ITSN1: variants seen among roughly 807,000 people sequenced by gnomAD.
ITSN1 encodes the protein intersectin 1, also known as intersectin-1.
A neutral mutation model predicts 239.8 loss-of-function variants in ITSN1; 58 were observed. The ratio of observed to expected loss-of-function variants is 0.24; its 90% CI spans 0.20 to 0.30. ITSN1 has a LOEUF of 0.30. Among genes scored for constraint, ITSN1 ranks in the 10% least tolerant of loss-of-function variants. ITSN1 has a pLI of 1.00. For synonymous variants in ITSN1, 780 were observed against 770.8 expected, an observed-to-expected ratio of 1.01 and a Z score of -0.20; for missense variants, 1,558 against 2,103.3, an observed-to-expected ratio of 0.74 and a Z score of 5.07.
At chr21:33,774,586 T>A in intron 12 of ITSN1, 143 bp from the exon 13 acceptor site, 1 of 687,646 alleles carries the variant, frequency 1.5e-6, no homozygotes, top group East Asian at 2.7e-5. Flanking sequence ...TTTTATGTAA[T>A]TTTTTGTTTT....
intron 4 of ITSN1, among the ~76,000 whole-genome samples, chr21:33,732,146 G>A (rs1437108420): frequency 6.6e-6 from 1 of 152,222 alleles, no homozygotes; most frequent in Non-Finnish European, 1.5e-5. Flanking sequence ...GTTATCATAA[G>A]TGGTTTTGGA....
At chr21:33,803,511 A>C (rs1488517994) in intron 20 of ITSN1, among the ~76,000 whole-genome samples, 1 of 152,168 alleles carries the variant, frequency 6.6e-6, no homozygotes, top group Non-Finnish European at 1.5e-5. Context: ...TCACATATAC[A>C]CATAAGATTT....
intron 1 of ITSN1, among the ~76,000 whole-genome samples, chr21:33,688,848 C>G (rs1185158272): frequency 6.6e-6 from 1 of 151,560 alleles, no homozygotes; most frequent in African/African-American, 2.4e-5. Context: ...CTCCTGTCAC[C>G]CAGGCTGGAG....
At chr21:33,866,008 A>G (rs1374477175) in intron 32 of ITSN1, among the ~76,000 whole-genome samples, 1 of 152,226 alleles carries the variant, frequency 6.6e-6, no homozygotes, top group African/African-American at 2.4e-5. Flanking sequence ...GGAGAAAAAA[A>G]GGAGGAAGAG....
intron 1 of ITSN1, among the ~76,000 whole-genome samples, chr21:33,664,783 A>G (rs2089814848): frequency 6.6e-6 from 1 of 152,244 alleles, no homozygotes; most frequent in African/African-American, 2.4e-5. Flanking sequence ...CCTGGAATTT[A>G]TAATTTAAGA....
intron 1 of ITSN1, among the ~76,000 whole-genome samples, chr21:33,655,834 C>G (rs367783031): frequency 9.2e-5 from 14 of 151,832 alleles, no homozygotes; most frequent in African/African-American, 3.4e-4. Flanking sequence ...CTTTCTGTGT[C>G]GTGGTGATGT....
At chr21:33,806,242 G>A (rs888243033) in intron 20 of ITSN1, among the ~76,000 whole-genome samples, 1 of 151,932 alleles carries the variant, frequency 6.6e-6, no homozygotes, top group African/African-American at 2.4e-5. Context: ...CCTCATCTAG[G>A]AATTTGGGGA....
At chr21:33,868,505 C>T (rs1232931359) in intron 33 of ITSN1, among the ~76,000 whole-genome samples, 7 of 152,218 alleles carry the variant, frequency 4.6e-5, no homozygotes, top group Non-Finnish European at 7.4e-5. Context: ...AGCGCAGCGC[C>T]GGTGGGCTGG....
In ITSN1 at chr21:33,869,384, ACT is replaced by A. The variant is rs1982314861; in HGVS notation, c.4173+2057_4173+2058del. 2.0e-5 allele frequency among the ~76,000 whole-genome samples: 3 copies of A among 152,250 alleles called. No homozygotes were observed. In the South Asian group the frequency reaches 6.2e-4, roughly 32 times the overall value. ...CATCAGATATTGTGAGAACTCACTC[ACT>A]CTCACTAGAACAGGATGGGGGAAGC... is the stretch of plus-strand genomic sequence containing the variant. On this transcript the variant is annotated intron_variant, in intron 33 of 39. Coordinates refer to ENST00000381318, the MANE Select transcript of ITSN1 (RefSeq NM_003024.3).
intron 27 of ITSN1, among the ~76,000 whole-genome samples, chr21:33,832,072 GC>G (rs1321356638): frequency 2.0e-5 from 3 of 152,128 alleles, no homozygotes; most frequent in Non-Finnish European, 4.4e-5. Context: ...TTCCTGCGGG[GC>G]CCCTCTCCCC....
chr21:33,730,588 G>C (rs2066118669), intron 4 of ITSN1, among the ~76,000 whole-genome samples: 1 of 151,550 alleles, frequency 6.6e-6, no homozygotes, highest in African/African-American at 2.4e-5. Context: ...TTTTAGTAGA[G>C]ATGGGGTTTC....
At chr21:33,692,099 GAGTT>G (rs1280848425) in intron 1 of ITSN1, among the ~76,000 whole-genome samples, 6 of 152,306 alleles carry the variant, frequency 3.9e-5, no homozygotes, top group East Asian at 3.9e-4. Flanking sequence ...TTGTAAAACT[GAGTT>G]AGGTAGGCTG....
rs2089692462 is a variant in ITSN1 at position 33,663,274 on chromosome 21, T to TA, written c.-33+20562dup. Among the ~76,000 whole-genome samples the TA allele has an allele frequency of 2.0e-5, 3 of 152,384 alleles. No homozygotes were observed. In the South Asian group the frequency reaches 6.2e-4, roughly 32 times the overall value. On this transcript the variant is annotated intron_variant, in intron 1 of 39. Transcript: ENST00000381318. ...AGCATTATATTCATACTGGTTTTAT[T>TA]ATGAGATATATTACCTTTTAGATTT... is the stretch of plus-strand genomic sequence containing the variant.
rs1227254871 is a variant in ITSN1, at chr21:33,877,833, G to A, written c.4341+2312G>A. ...CTTACTTTGTTTCTATTTTGTGTGT[G>A]TGTGTGTGTGTGTGTGTGTGTGTGT... On this transcript the variant is annotated intron_variant, in intron 34 of 39. Transcript: ENST00000381318. Among the ~76,000 whole-genome samples, 123 of 27,232 alleles carry A rather than the reference G, an allele frequency of 4.5e-3. No individual in the cohort carries two copies. In the African/African-American group the frequency reaches 0.072, roughly 16 times the overall value. The allele number at this position is 27,232 out of a possible 152,430, so 17.9% of individuals were successfully genotyped here.
rs112603922 is a variant in ITSN1, at chr21:33,868,867, C to T, written c.4173+1536C>T. Among the ~76,000 whole-genome samples, 406 of 152,236 alleles carry T rather than the reference C, an allele frequency of 2.7e-3. 2 individuals carry two copies. The highest frequency in any genetic ancestry group is 7.5e-3 in the African/African-American group (311 of 41,556). ...GCGAGGGCTGTGAGGACTGCCAGCA[C>T]GCTGTCACCTCTCAATACTGCACAG... On this transcript the variant is annotated intron_variant, in intron 33 of 39. Coordinates refer to ENST00000381318, the MANE Select transcript of ITSN1 (RefSeq NM_003024.3).
At chr21:33,732,826 A>G (rs1259813229) in intron 4 of ITSN1, among the ~76,000 whole-genome samples, 1 of 152,224 alleles carries the variant, frequency 6.6e-6, no homozygotes, top group Non-Finnish European at 1.5e-5. Flanking sequence ...GGAATGTTTC[A>G]TCTAAAATCT....
At position 33,892,915 on chromosome 21, in the gene ITSN1, C is replaced by T. The variant is rs1986457521; in HGVS notation, c.*4615C>T. 1.3e-5 allele frequency: 2 copies of T among 152,200 alleles called. No homozygotes were observed. Among genetic ancestry groups the T allele is most frequent in the African/African-American group, 4.8e-5 (2 of 41,420 alleles). The allele number at this position is 152,200 out of a possible 1,614,324, so 9.4% of individuals were successfully genotyped here. On this transcript the variant is annotated 3_prime_UTR_variant, in exon 40 of 40. Transcript: ENST00000381318. ...GAGGGTGCAAAGAAACCACAGCTGCCATTCACGGGGCAGCTCCCTCTAGCT... is the reference window on the plus strand; with the variant it reads ...GAGGGTGCAAAGAAACCACAGCTGCTATTCACGGGGCAGCTCCCTCTAGCT...
At position 33,827,310 on chromosome 21, in the gene ITSN1, G is replaced by GA. The variant is rs745614349; in HGVS notation, c.3229+449dup. Among the ~76,000 whole-genome samples, 40 of 152,260 alleles carry GA rather than the reference G, an allele frequency of 2.6e-4. 1 individual carries two copies. The South Asian group carries it at 2.7e-3, about 10-fold the overall frequency. ...AGCTACTCGAGAGGCTGAGGCAGGGGAATCACTTGAACCCGGGAGGCCAAG... is the reference window on the plus strand; with the variant it reads ...AGCTACTCGAGAGGCTGAGGCAGGGGAAATCACTTGAACCCGGGAGGCCAAG... On this transcript the variant is annotated intron_variant, in intron 26 of 39. Coordinates refer to ENST00000381318, the MANE Select transcript of ITSN1 (RefSeq NM_003024.3).
At position 33,765,948 on chromosome 21, in the gene ITSN1, G is replaced by T; in HGVS notation, c.862G>T (p.Val288Leu). Reference protein sequence around the residue: ...EFILAMHLIDVAMSGQPLPPV... With the variant: ...EFILAMHLIDLAMSGQPLPPV... Reference sequence around the variant, plus strand: ...TATCCTGGCAATGCACCTCATTGATGTAGCTATGTCTGGCCAACCACTGCC... The same window carrying T: ...TATCCTGGCAATGCACCTCATTGATTTAGCTATGTCTGGCCAACCACTGCC... The change falls in exon 10 of 40, where the codon GTA becomes TTA. Residue 288 changes from valine to leucine, a missense_variant. Around this residue, in one of 2 missense-constraint regions of ITSN1, gnomAD observed 982 missense variants for 1,209.9 expected, o/e 0.81. Transcript: ENST00000381318. The T allele has an allele frequency of 6.2e-7, 1 of 1,614,134 alleles. No individual in the cohort carries two copies. Among genetic ancestry groups the T allele is most frequent in the Non-Finnish European group, 8.5e-7 (1 of 1,179,980 alleles).
Sources: gnomAD v4.1 joint callset for allele counts (sites outside exome capture counted in the v4.1 genomes callset) on GRCh38, gnomAD v4.1.1 for gene constraint, gnomAD v4.1.1 regional missense constraint, MANE v1.5 for transcripts, NCBI Gene and HGNC (gene_info 2026-07-23, HGNC 2026-07-21) for gene names.